Variants in EPHA7 observed in about 807,000 individuals in gnomAD.
EPHA7 encodes the protein ephrin type-A receptor 7.
A neutral mutation model predicts 112.6 loss-of-function variants in EPHA7; 25 were observed. The observed-to-expected ratio is 0.22, with a 90% CI of 0.16 to 0.31. The LOEUF (loss-of-function observed/expected upper bound fraction) is 0.31. Ranked by LOEUF, EPHA7 falls within the 10% of genes least tolerant of loss-of-function variation. EPHA7 has a pLI of 1.00. For missense variants in EPHA7, 962 were observed against 1,212.6 expected (o/e 0.79, Z 3.07); for synonymous variants, 437 against 406.5 (o/e 1.07, Z -0.90).
intron 6 of EPHA7, among the ~76,000 whole-genome samples, chr6:93,269,905 C>T (rs1001911010): frequency 3.3e-5 from 5 of 151,562 alleles, no homozygotes; most frequent in African/African-American, 9.7e-5. Context: ...TTTTAGCTTT[C>T]GCAGAAGTAA....
At chr6:93,373,037 G>C (rs907908801) in intron 3 of EPHA7, among the ~76,000 whole-genome samples, 10 of 151,876 alleles carry the variant, frequency 6.6e-5, no homozygotes, top group Non-Finnish European at 1.0e-4. Context: ...TTCAACAATT[G>C]TCAAAATAGT....
intron 6 of EPHA7, among the ~76,000 whole-genome samples, chr6:93,271,094 C>G (rs953716532): frequency 9.9e-5 from 15 of 151,708 alleles, no homozygotes; most frequent in African/African-American, 3.6e-4. Flanking sequence ...CATGGGAAAA[C>G]AGATATACCA....
intron 5 of EPHA7, among the ~76,000 whole-genome samples, chr6:93,309,140 G>C (rs985690329): frequency 3.3e-5 from 5 of 151,980 alleles, no homozygotes; most frequent in Non-Finnish European, 7.4e-5. Context: ...GTAGAGACAG[G>C]GTTTCACCAT....
At chr6:93,375,650 C>T (rs1370784148) in intron 3 of EPHA7, among the ~76,000 whole-genome samples, 1 of 150,610 alleles carries the variant, frequency 6.6e-6, no homozygotes, top group African/African-American at 2.4e-5. Flanking sequence ...AAAACAAACT[C>T]CTAATAGGCA....
At chr6:93,345,083 G>C (rs1330797098) in intron 5 of EPHA7, among the ~76,000 whole-genome samples, 1 of 151,580 alleles carries the variant, frequency 6.6e-6, no homozygotes, top group Non-Finnish European at 1.5e-5. Flanking sequence ...GTCTATACAT[G>C]TCTATACACA....
intron 5 of EPHA7, among the ~76,000 whole-genome samples, chr6:93,299,098 G>A (rs564899938): frequency 2.0e-5 from 3 of 150,202 alleles, no homozygotes; most frequent in Admixed American, 1.3e-4. Flanking sequence ...AGGCCGAGGC[G>A]GGCGGATCAA....
chr6:93,291,177 C>A (rs1772341691), intron 5 of EPHA7, among the ~76,000 whole-genome samples: 1 of 152,026 alleles, frequency 6.6e-6, no homozygotes. Context: ...GGATGGCAAG[C>A]AAAAGCAATT....
chr6:93,373,933 A>G (rs1355690266), intron 3 of EPHA7, among the ~76,000 whole-genome samples: 1 of 152,112 alleles, frequency 6.6e-6, no homozygotes, highest in Non-Finnish European at 1.5e-5. Context: ...CTCATGTTTC[A>G]TAAATACATC....
intron 3 of EPHA7, among the ~76,000 whole-genome samples, chr6:93,390,302 A>T (rs1171760723): frequency 1.3e-5 from 2 of 151,878 alleles, no homozygotes; most frequent in African/African-American, 4.8e-5. Context: ...ATGTCAACAA[A>T]ACAAATATGA....
At position 93,301,050 on chromosome 6, in the gene EPHA7, T is replaced by C. The variant is rs528612041; in HGVS notation, c.1325-28628A>G. On this transcript the variant is annotated intron_variant, in intron 5 of 16. Coordinates refer to ENST00000369303, the MANE Select transcript of EPHA7 (RefSeq NM_004440.4). Reference sequence around the variant, plus strand: ...AAGGCAGAGTAAACATATGGTATTATAATCTTATGGGCCAGCTGTTGTGTA... The same window carrying C: ...AAGGCAGAGTAAACATATGGTATTACAATCTTATGGGCCAGCTGTTGTGTA... Among the ~76,000 whole-genome samples, 13 of 152,274 alleles carry C rather than the reference T, an allele frequency of 8.5e-5. No homozygotes were observed. The South Asian group carries it at 2.7e-3, about 32-fold the overall frequency.
chr6:93,394,946 T>C (rs1431996197), intron 3 of EPHA7, among the ~76,000 whole-genome samples: 1 of 151,884 alleles, frequency 6.6e-6, no homozygotes, highest in Non-Finnish European at 1.5e-5. Context: ...ATATTTTACT[T>C]ACAAAATACA....
chr6:93,314,587 C>A (rs956036372), intron 5 of EPHA7, among the ~76,000 whole-genome samples: 3 of 151,996 alleles, frequency 2.0e-5, no homozygotes, highest in Admixed American at 2.0e-4. Flanking sequence ...GGACCTACAA[C>A]GATGACCAAA....
chr6:93,315,098 G>A (rs1010141666), intron 5 of EPHA7, among the ~76,000 whole-genome samples: 18 of 149,888 alleles, frequency 1.2e-4, no homozygotes, highest in Admixed American at 2.6e-4. Flanking sequence ...TCCTGACCTC[G>A]TGATCCGCCC....
At chr6:93,273,278 A>G (rs1035431388) in intron 5 of EPHA7, among the ~76,000 whole-genome samples, 2 of 151,964 alleles carry the variant, frequency 1.3e-5, no homozygotes, top group Non-Finnish European at 2.9e-5. Flanking sequence ...CTCTGTCTAA[A>G]TGAGTAGCTG....
At chr6:93,307,559 T>G (rs368323575) in intron 5 of EPHA7, among the ~76,000 whole-genome samples, 41 of 152,250 alleles carry the variant, frequency 2.7e-4, no homozygotes, top group African/African-American at 9.6e-4. Context: ...AAATAATTTC[T>G]AAGTTTTACA....
intron 5 of EPHA7, among the ~76,000 whole-genome samples, chr6:93,350,901 T>TA (rs1775659222): frequency 6.6e-6 from 1 of 152,018 alleles, no homozygotes; most frequent in Non-Finnish European, 1.5e-5. Flanking sequence ...TTCCTAAAAA[T>TA]AAAAATTCCC....
At chr6:93,416,051 T>C (rs139345201) in intron 1 of EPHA7, among the ~76,000 whole-genome samples, 1 of 151,794 alleles carries the variant, frequency 6.6e-6, no homozygotes, top group East Asian at 2.0e-4. Context: ...TGTTTCTTTG[T>C]TTAGTGTTTT....
At chr6:93,323,421 C>T (rs2127888318) in intron 5 of EPHA7, among the ~76,000 whole-genome samples, 1 of 151,510 alleles carries the variant, frequency 6.6e-6, no homozygotes, top group African/African-American at 2.4e-5. Context: ...TACAGTTTAG[C>T]TCAAGAAACC....
intron 5 of EPHA7, among the ~76,000 whole-genome samples, chr6:93,294,278 A>G (rs1772538891): frequency 6.6e-6 from 1 of 152,200 alleles, no homozygotes; most frequent in African/African-American, 2.4e-5. Context: ...AGAATATACT[A>G]AAATAAATTC....
Sources: gnomAD v4.1 joint callset for allele counts (sites outside exome capture counted in the v4.1 genomes callset) on GRCh38, gnomAD v4.1.1 for gene constraint, MANE v1.5 for transcripts, NCBI Gene and HGNC (gene_info 2026-07-23, HGNC 2026-07-21) for gene names.